FAM20B: variants seen among roughly 807,000 people sequenced by gnomAD.
FAM20B encodes the protein FAM20B glycosaminoglycan xylosylkinase, also known as glycosaminoglycan xylosylkinase.
Under a neutral mutation model 43.8 loss-of-function variants are expected in FAM20B, and 23 were observed. That is an observed-to-expected ratio of 0.53 (90% CI 0.38 to 0.74). The LOEUF (loss-of-function observed/expected upper bound fraction) is 0.74, where lower values mean the gene tolerates loss of function less well. Ranked by LOEUF, FAM20B falls within the 30% of genes least tolerant of loss-of-function variation. The pLI is 0.00. For synonymous variants in FAM20B, 178 were observed against 192.4 expected, an observed-to-expected ratio of 0.93 and a Z score of 0.62; for missense variants, 440 against 510.5, an observed-to-expected ratio of 0.86 and a Z score of 1.33.
chr1:179,069,241 C>T (rs1036652704), intron 7 of FAM20B, among the ~76,000 whole-genome samples: 1 of 152,168 alleles, frequency 6.6e-6, no homozygotes, highest in African/African-American at 2.4e-5. Flanking sequence ...CACCATTGAC[C>T]CACAGAAGCA....
intron 4 of FAM20B, among the ~76,000 whole-genome samples, chr1:179,062,236 A>G (rs1651495215): frequency 6.6e-6 from 1 of 152,172 alleles, no homozygotes; most frequent in Non-Finnish European, 1.5e-5. Context: ...TGTGCTCATT[A>G]CTTCCTGGGT....
Position 179,050,373 on chromosome 1 carries a change from T to G in FAM20B, c.464+8T>G. ...AGCCTTTCACTTGGACAGGTGCGTA[T>G]GATCACAGCAGCTTATGTTCATTTT... On this transcript the variant is annotated splice_region_variant and intron_variant, in intron 3 of 7. Transcript: ENST00000263733. The G allele has an allele frequency of 6.2e-7, 1 of 1,606,018 alleles. No individual in the cohort carries two copies. The highest frequency in any genetic ancestry group is 1.1e-5 in the South Asian group (1 of 90,932).
chr1:179,066,036 ACTT>A (rs1352896459), intron 6 of FAM20B, among the ~76,000 whole-genome samples: 1 of 152,170 alleles, frequency 6.6e-6, no homozygotes, highest in Non-Finnish European at 1.5e-5. Flanking sequence ...CAAAGGCCCT[ACTT>A]CTTAATACTG....
intron 1 of FAM20B, among the ~76,000 whole-genome samples, chr1:179,033,319 T>G (rs1479300666): frequency 1.3e-5 from 2 of 152,250 alleles, no homozygotes; most frequent in African/African-American, 4.8e-5. Flanking sequence ...CTTCTTGTGG[T>G]ACCTTTAAGA....
chr1:179,019,968 G>A, the FAM20B span, among the ~76,000 whole-genome samples: 1 of 152,158 alleles, frequency 6.6e-6, no homozygotes, highest in Non-Finnish European at 1.5e-5. Flanking sequence ...CATCAGTGAG[G>A]TACTGGTTCT....
chr1:179,025,769 G>C (rs576978429), upstream of FAM20B: 3 of 151,432 alleles, frequency 2.0e-5, no homozygotes, highest in South Asian at 2.1e-4. Context: ...AGTCCGGAGC[G>C]GGTCCGGTAG....
At chr1:179,056,179 G>A (rs144077285) in intron 4 of FAM20B, among the ~76,000 whole-genome samples, 9 of 152,152 alleles carry the variant, frequency 5.9e-5, no homozygotes, top group South Asian at 4.2e-4. Context: ...ATTCACTCTT[G>A]GTGTTGCACA....
intron 7 of FAM20B, among the ~76,000 whole-genome samples, chr1:179,067,281 CT>C (rs1651730716): frequency 1.3e-5 from 2 of 152,110 alleles, no homozygotes; most frequent in Admixed American, 1.3e-4. Flanking sequence ...TTGAAATTGT[CT>C]AAACCAAAAG....
chr1:179,037,904 A>G (rs947552499), intron 1 of FAM20B, among the ~76,000 whole-genome samples: 3 of 152,160 alleles, frequency 2.0e-5, no homozygotes, highest in Admixed American at 6.5e-5. Flanking sequence ...ATAAGTTTCA[A>G]AACTTAAAAG....
rs1651961904 is a variant in FAM20B at position 179,072,397 on chromosome 1, A to C, written c.*253A>C. On this transcript the variant is annotated 3_prime_UTR_variant, in exon 8 of 8. Coordinates refer to ENST00000263733, the MANE Select transcript of FAM20B (RefSeq NM_014864.4). ...ATTGCTCATTCTAGGGTTGGGCATC[A>C]TAGTTGGTCAGTCTTAATTCCCATG... 2.0e-6 allele frequency: 1 copy of C among 491,546 alleles called. No homozygotes were observed. The highest frequency in any genetic ancestry group is 3.7e-6 in the Non-Finnish European group (1 of 270,838). The allele number at this position is 491,546 out of a possible 1,614,324, so 30.4% of individuals were successfully genotyped here.
Position 179,044,162 on chromosome 1 carries a change from G to C in FAM20B, c.315G>C (p.Gly105=), listed in dbSNP as rs757294768. 9 of 1,614,006 alleles carry C rather than the reference G, an allele frequency of 5.6e-6. No homozygotes were observed. The highest frequency in any genetic ancestry group is 6.8e-6 in the Non-Finnish European group (8 of 1,180,026). ...TTAAAGCTGATGTGGGTTATAAAGG[G>C]ACACAGCTGAAAGCCTTACTGATAC... ...KIIKADVGYK[G]TQLKALLILE... The change falls in exon 2 of 8, where the codon GGG becomes GGC. Residue 105 remains glycine, a synonymous_variant. Transcript: ENST00000263733.
At chr1:179,019,754 G>A in the FAM20B span, among the ~76,000 whole-genome samples, 1 of 152,110 alleles carries the variant, frequency 6.6e-6, no homozygotes, top group Non-Finnish European at 1.5e-5. Context: ...GGGCCACTGC[G>A]CCTGGCCGAG....
chr1:179,071,433 G>A (rs1351220767), intron 7 of FAM20B, among the ~76,000 whole-genome samples: 1 of 152,184 alleles, frequency 6.6e-6, no homozygotes, highest in African/African-American at 2.4e-5. Flanking sequence ...TAACACTGTA[G>A]TGTACTTCAT....
In FAM20B at chr1:179,044,163, A is replaced by G. The variant is rs1650665645; in HGVS notation, c.316A>G (p.Thr106Ala). The G allele has an allele frequency of 1.2e-6, 2 of 1,614,028 alleles. No individual in the cohort carries two copies. Among genetic ancestry groups the G allele is most frequent in the African/African-American group, 1.3e-5 (1 of 74,914 alleles). Residue 106 changes from threonine to alanine, a missense_variant, in exon 2 of 8, where the codon ACA becomes GCA. By Grantham distance (58) the Thr-to-Ala change is moderately conservative. Coordinates refer to ENST00000263733, the MANE Select transcript of FAM20B (RefSeq NM_014864.4). ...IIKADVGYKG[T>A]QLKALLILEG... ...TAAAGCTGATGTGGGTTATAAAGGG[A>G]CACAGCTGAAAGCCTTACTGATACT...
chr1:179,055,179 T>C (rs1651159747), intron 4 of FAM20B, among the ~76,000 whole-genome samples: 1 of 152,200 alleles, frequency 6.6e-6, no homozygotes, highest in South Asian at 2.1e-4. Flanking sequence ...CTGGCTATGT[T>C]GCCCCTGGCC....
At chr1:179,048,776 C>G (rs1311528140) in intron 2 of FAM20B, among the ~76,000 whole-genome samples, 1 of 152,136 alleles carries the variant, frequency 6.6e-6, no homozygotes, top group Non-Finnish European at 1.5e-5. Flanking sequence ...AAACTGGTGC[C>G]CAACCAGAAG....
At chr1:179,050,993 GCACCT>G (rs750680464) in intron 3 of FAM20B, among the ~76,000 whole-genome samples, 3 of 151,944 alleles carry the variant, frequency 2.0e-5, no homozygotes, top group Non-Finnish European at 4.4e-5. Flanking sequence ...GTGGTGACAG[GCACCT>G]GTAGTCCCAG....
chr1:179,046,906 G>A (rs902472850), intron 2 of FAM20B, among the ~76,000 whole-genome samples: 1 of 151,840 alleles, frequency 6.6e-6, no homozygotes, highest in African/African-American at 2.4e-5. Context: ...TGAGGCAGGA[G>A]AATCGCTTGA....
chr1:179,032,029 G>A lies in FAM20B; in HGVS notation c.-134+5931G>A, dbSNP rs572796851. Among the ~76,000 whole-genome samples the A allele has an allele frequency of 7.9e-4, 120 of 152,186 alleles. 1 individual carries two copies. The highest frequency in any genetic ancestry group is 2.7e-3 in the African/African-American group (114 of 41,514). ...ACACTCACTCTGAAGATATCTATTTGCCTAGTCTTATCTACCTCTCAAATT... is the reference window on the plus strand; with the variant it reads ...ACACTCACTCTGAAGATATCTATTTACCTAGTCTTATCTACCTCTCAAATT... On this transcript the variant is annotated intron_variant, in intron 1 of 7. Coordinates refer to ENST00000263733, the MANE Select transcript of FAM20B (RefSeq NM_014864.4).
Sources: allele counts gnomAD v4.1 joint callset (sites outside exome capture counted in the v4.1 genomes callset), GRCh38; gene constraint gnomAD v4.1.1; transcripts MANE v1.5; gene names NCBI Gene and HGNC (gene_info 2026-07-23, HGNC 2026-07-21).